Variants in TP53I13 observed in about 807,000 individuals in gnomAD.
TP53I13 encodes tumor protein p53 inducible protein 13, also known as tumor protein p53-inducible protein 13.
A neutral mutation model predicts 39.1 loss-of-function variants in TP53I13; 27 were observed. The observed-to-expected ratio is 0.69, with a 90% confidence interval of 0.51 to 0.95. The LOEUF (loss-of-function observed/expected upper bound fraction) is 0.95, where lower values mean the gene tolerates loss of function less well. TP53I13 is among the 40% of genes least tolerant of loss of function. The probability of loss-of-function intolerance (pLI) is 0.00; values close to 1 mark genes in which losing one functional copy is unlikely to be tolerated. For missense variants in TP53I13, 544 were observed against 520.4 expected (o/e 1.05, Z -0.44); for synonymous variants, 230 against 224.6 (o/e 1.02, Z -0.22).
upstream of TP53I13, chr17:29,566,948 C>G: frequency 7.2e-7 from 1 of 1,390,144 alleles, no homozygotes; most frequent in African/African-American, 1.5e-5. Context: ...AGCGCGAGGG[C>G]GGCGCCCCAC....
upstream of TP53I13, chr17:29,567,123 G>T: frequency 2.2e-6 from 1 of 456,668 alleles, no homozygotes; most frequent in Non-Finnish European, 3.1e-6. The surrounding 1 kb of genome is among the most constrained non-coding windows in gnomAD (Gnocchi z 6.6). Flanking sequence ...GAGGCAGCCA[G>T]TTCGGGCCCG....
At chr17:29,577,319 TAGCA>T, downstream of TP53I13, 1 of 1,107,188 alleles carries the variant, frequency 9.0e-7, no homozygotes, top group Non-Finnish European at 1.4e-6. Flanking sequence ...AGGGACCAAG[TAGCA>T]AGGCATGGCT....
At chr17:29,581,281 C>T in the TP53I13 span, 2 of 1,360,630 alleles carry the variant, frequency 1.5e-6, no homozygotes, top group Non-Finnish European at 2.1e-6. This position sits in a 1 kb window ranked among gnomAD's most constrained non-coding sequence, Gnocchi z 4.8. Flanking sequence ...CTCTGGGGGT[C>T]AGCCACCCAC....
At chr17:29,579,832 G>C in the TP53I13 span, among the ~76,000 whole-genome samples, 1 of 152,098 alleles carries the variant, frequency 6.6e-6, no homozygotes, top group Non-Finnish European at 1.5e-5. Flanking sequence ...CCAAGGCTCA[G>C]AGAGGTCAAG....
chr17:29,566,997 G>C, upstream of TP53I13: 4 of 1,279,212 alleles, frequency 3.1e-6, no homozygotes, highest in Non-Finnish European at 3.9e-6. Context: ...GCGGGCAGCG[G>C]GCGGCGGGGC....
At chr17:29,578,489 C>T in the TP53I13 span, 1 of 955,046 alleles carries the variant, frequency 1.0e-6, no homozygotes, top group East Asian at 2.4e-5. Context: ...CTGCCCAGCC[C>T]CTACAGTCTC....
chr17:29,569,537 G>C (rs182125251), intron 3 of TP53I13, 178 bp downstream of exon 3: 1 of 589,622 alleles, frequency 1.7e-6, no homozygotes, highest in Non-Finnish European at 3.0e-6. Flanking sequence ...CCCCAGGACA[G>C]ATGGCTCAAA....
the TP53I13 span, chr17:29,578,204 C>G: frequency 9.6e-7 from 1 of 1,043,268 alleles, no homozygotes; most frequent in Non-Finnish European, 1.5e-6. Context: ...GCAGCCCCAA[C>G]CCCAGGCACC....
chr17:29,580,177 T>C, the TP53I13 span, among the ~76,000 whole-genome samples: 1 of 152,230 alleles, frequency 6.6e-6, no homozygotes, highest in Non-Finnish European at 1.5e-5. Flanking sequence ...CTCAGCTGCC[T>C]CTGTGCTCCC....
the TP53I13 span, chr17:29,578,803 T>C: frequency 6.2e-7 from 1 of 1,612,504 alleles, no homozygotes; most frequent in East Asian, 2.2e-5. Context: ...GAGATGGGAA[T>C]TGGGAGGAGA....
upstream of TP53I13, chr17:29,566,521 C>T (rs757542985): frequency 3.1e-6 from 5 of 1,610,768 alleles, no homozygotes; most frequent in South Asian, 1.1e-5. Flanking sequence ...GCTGGTGATC[C>T]GGCGGCCCCG....
the TP53I13 span, chr17:29,578,691 G>A: frequency 3.8e-6 from 6 of 1,565,078 alleles, no homozygotes; most frequent in East Asian, 1.1e-4. Flanking sequence ...TCAGAGAGGG[G>A]CCAGCTTCAA....
downstream of TP53I13, chr17:29,576,331 G>T: frequency 6.2e-7 from 1 of 1,613,264 alleles, no homozygotes; most frequent in Non-Finnish European, 8.5e-7. Flanking sequence ...GATCCCTGCG[G>T]TGTGTGCTCC....
In TP53I13 at chr17:29,568,948, T is replaced by C. The variant is rs879303150; in HGVS notation, c.73-70T>C. 4.4e-6 allele frequency: 7 copies of C among 1,593,578 alleles called. No homozygotes were observed. The highest frequency in any genetic ancestry group is 1.7e-5 in the Admixed American group (1 of 58,004). Reference sequence around the variant, plus strand: ...ACGCGGAGTTCTTCCGCTGGCGGGCTGGGCCTGGGGAGAGAGAGGGCAGGG... The same window carrying C: ...ACGCGGAGTTCTTCCGCTGGCGGGCCGGGCCTGGGGAGAGAGAGGGCAGGG... On this transcript the variant is annotated intron_variant, in intron 1 of 6. Coordinates refer to ENST00000301057, the MANE Select transcript of TP53I13 (RefSeq NM_138349.4). The surrounding 1 kb of genome is among the most constrained non-coding windows in gnomAD (Gnocchi z 4.5).
Position 29,572,389 on chromosome 17 carries a change from T to C in TP53I13, c.761T>C (p.Leu254Pro). 1 of 1,597,820 alleles carries C rather than the reference T, an allele frequency of 6.3e-7. No individual in the cohort carries two copies. The highest frequency in any genetic ancestry group is 8.6e-7 in the Non-Finnish European group (1 of 1,168,426). ...SNAPSVPTVS[L>P]LPGAPGGNAS... ...GCCCCATCTGTGCCCACTGTCTCCCTGCTGCCGGGGGCGCCTGGAGGCAAT... is the reference window on the plus strand; with the variant it reads ...GCCCCATCTGTGCCCACTGTCTCCCCGCTGCCGGGGGCGCCTGGAGGCAAT... Residue 254 changes from leucine (L) to proline (P), a missense_variant, in exon 6 of 7, where the codon CTG (leucine) becomes CCG (proline). Transcript: ENST00000301057.
downstream of TP53I13, chr17:29,575,839 G>T: frequency 6.2e-7 from 1 of 1,612,790 alleles, no homozygotes; most frequent in Non-Finnish European, 8.5e-7. This position sits in a 1 kb window ranked among gnomAD's most constrained non-coding sequence, Gnocchi z 5.5. Context: ...CCTGGGAGCA[G>T]GACAGCAGCG....
downstream of TP53I13, chr17:29,576,124 T>C: frequency 6.2e-7 from 1 of 1,613,794 alleles, no homozygotes; most frequent in Non-Finnish European, 8.5e-7. Context: ...GGCGTCGTCC[T>C]CTAGCTCCTG....
upstream of TP53I13, chr17:29,566,680 C>G: frequency 1.3e-6 from 2 of 1,594,506 alleles, no homozygotes; most frequent in Non-Finnish European, 1.7e-6. Context: ...GGAGCGCGGG[C>G]CGGCCTCCAG....
At chr17:29,576,644 C>A, downstream of TP53I13, 1 of 1,614,012 alleles carries the variant, frequency 6.2e-7, no homozygotes, top group Non-Finnish European at 8.5e-7. Flanking sequence ...AGCGTCACAG[C>A]CCCGTCAGAC....
Sources: gnomAD v4.1 joint callset for allele counts (sites outside exome capture counted in the v4.1 genomes callset) on GRCh38, gnomAD v4.1.1 for gene constraint, Gnocchi (gnomAD v3.1) non-coding constraint, MANE v1.5 for transcripts, NCBI Gene and HGNC (gene_info 2026-07-23, HGNC 2026-07-21) for gene names.